Variants in ADAMTSL1 observed in about 807,000 individuals in gnomAD.
ADAMTSL1 encodes the protein ADAMTS like 1, also known as ADAMTS-like protein 1.
Under a neutral mutation model 201.8 loss-of-function variants are expected in ADAMTSL1, and 126 were observed. The observed-to-expected ratio is 0.62, with a 90% CI of 0.54 to 0.72. The LOEUF (loss-of-function observed/expected upper bound fraction) is 0.72, where lower values mean the gene tolerates loss of function less well. Among genes scored for constraint, ADAMTSL1 ranks in the 30% least tolerant of loss-of-function variants. The pLI is 0.00. For synonymous variants in ADAMTSL1, 1,121 were observed against 903.4 expected (o/e 1.24, Z -4.32); for missense variants, 2,679 against 2,277.8 (o/e 1.18, Z -3.59).
At position 18,850,423 on chromosome 9, in the gene ADAMTSL1, A is replaced by G. The variant is rs1273892083; in HGVS notation, c.4249+20446A>G. Among the ~76,000 whole-genome samples, 7 of 152,318 alleles carry G rather than the reference A, an allele frequency of 4.6e-5. No individual in the cohort carries two copies. The East Asian group carries it at 1.2e-3, about 25-fold the overall frequency. On this transcript the variant is annotated intron_variant, in intron 23 of 28. Transcript: ENST00000380548. ...CCCCCTTGTGTTTGGTGGTGCTATA[A>G]TGGCAGTTTTACAGCACTATCAGAG...
intron 2 of ADAMTSL1, among the ~76,000 whole-genome samples, chr9:18,297,768 A>G (rs549829895): frequency 6.6e-6 from 1 of 152,352 alleles, no homozygotes; most frequent in Admixed American, 6.5e-5. Flanking sequence ...CTGAAGGGAA[A>G]GGGAGAGAAG....
chr9:18,550,721 T>C (rs1820749288), intron 3 of ADAMTSL1, among the ~76,000 whole-genome samples: 1 of 151,966 alleles, frequency 6.6e-6, no homozygotes, highest in South Asian at 2.1e-4. Flanking sequence ...CATGAGATAA[T>C]AAATTTGTGT....
intron 2 of ADAMTSL1, among the ~76,000 whole-genome samples, chr9:18,168,408 G>C (rs1404184203): frequency 6.6e-6 from 1 of 152,016 alleles, no homozygotes; most frequent in African/African-American, 2.4e-5. Context: ...AGTTTGCTGA[G>C]AATGATGGTT....
At chr9:18,140,949 A>G (rs1268582727) in intron 1 of ADAMTSL1, among the ~76,000 whole-genome samples, 1 of 152,208 alleles carries the variant, frequency 6.6e-6, no homozygotes, top group Non-Finnish European at 1.5e-5. Flanking sequence ...TCATCCTTTC[A>G]TTTTTGTGGC....
At chr9:18,571,735 T>C (rs1822315726) in intron 3 of ADAMTSL1, among the ~76,000 whole-genome samples, 1 of 152,298 alleles carries the variant, frequency 6.6e-6, no homozygotes, top group Non-Finnish European at 1.5e-5. Context: ...AGAGTTGTTT[T>C]AGGGCAGAAG....
intron 1 of ADAMTSL1, among the ~76,000 whole-genome samples, chr9:18,154,624 A>C (rs1246537131): frequency 6.6e-6 from 1 of 152,100 alleles, no homozygotes; most frequent in African/African-American, 2.4e-5. Flanking sequence ...AAATGACAAA[A>C]GAGTAATACA....
At chr9:18,671,837 A>G (rs7023843) in intron 9 of ADAMTSL1, among the ~76,000 whole-genome samples, 4 of 152,026 alleles carry the variant, frequency 2.6e-5, no homozygotes, top group African/African-American at 7.3e-5. Flanking sequence ...GGAGATCGAG[A>G]CCATCCTGGC....
At chr9:18,147,310 G>A (rs902420017) in intron 1 of ADAMTSL1, among the ~76,000 whole-genome samples, 5 of 152,060 alleles carry the variant, frequency 3.3e-5, no homozygotes, top group Admixed American at 2.0e-4. Flanking sequence ...GCTATAGATG[G>A]ATAGAAATAG....
chr9:18,719,496 C>T (rs1046674088), intron 14 of ADAMTSL1, among the ~76,000 whole-genome samples: 1 of 152,114 alleles, frequency 6.6e-6, no homozygotes, highest in East Asian at 1.9e-4. Flanking sequence ...TCCCAAGTAG[C>T]TGGGATTACA....
chr9:18,609,187 G>T lies in ADAMTSL1; in HGVS notation c.475-13056G>T, dbSNP rs577909387. Among the ~76,000 whole-genome samples, 10 of 152,294 alleles carry T rather than the reference G, an allele frequency of 6.6e-5. No homozygotes were observed. The South Asian group carries it at 2.1e-3, about 32-fold the overall frequency. Reference sequence around the variant, plus strand: ...GTTACTCGATTGTATATATTTGAAAGTGGTTCCTGAATTAACTCTGAAAAA... The same window carrying T: ...GTTACTCGATTGTATATATTTGAAATTGGTTCCTGAATTAACTCTGAAAAA... On this transcript the variant is annotated intron_variant, in intron 4 of 28. Transcript: ENST00000380548.
At chr9:18,468,943 G>A (rs1821105119) in intron 2 of ADAMTSL1, among the ~76,000 whole-genome samples, 2 of 152,186 alleles carry the variant, frequency 1.3e-5, no homozygotes, top group Non-Finnish European at 2.9e-5. Flanking sequence ...TAGACACTTT[G>A]CAGGGAAAGA....
chr9:18,081,968 A>T lies in ADAMTSL1; in HGVS notation c.88-81894A>T, dbSNP rs1311340970. On this transcript the variant is annotated intron_variant, in intron 1 of 29. Coordinates refer to the ADAMTSL1 transcript ENST00000680146. ...TTAAGATTGATGAAGAGTCTTTGTT[A>T]TATTGATAATGGCTCTGAACTGGTG... is the stretch of plus-strand genomic sequence containing the variant. Among the ~76,000 whole-genome samples, 3 of 152,310 alleles carry T rather than the reference A, an allele frequency of 2.0e-5. No homozygotes were observed. The East Asian group carries it at 5.8e-4, about 29-fold the overall frequency.
At chr9:18,145,941 A>C (rs150240454) in intron 1 of ADAMTSL1, among the ~76,000 whole-genome samples, 6 of 152,320 alleles carry the variant, frequency 3.9e-5, no homozygotes, top group African/African-American at 1.4e-4. Flanking sequence ...TAGACACTGC[A>C]TCAAAGAGAA....
At chr9:18,608,231 C>T (rs1253455226) in intron 4 of ADAMTSL1, among the ~76,000 whole-genome samples, 1 of 152,160 alleles carries the variant, frequency 6.6e-6, no homozygotes, top group Non-Finnish European at 1.5e-5. Context: ...TTCTTTTTAA[C>T]TAGTTTGGGA....
intron 2 of ADAMTSL1, among the ~76,000 whole-genome samples, chr9:18,508,641 T>A (rs1564005708): frequency 1.3e-5 from 2 of 152,208 alleles, no homozygotes; most frequent in South Asian, 2.1e-4. Flanking sequence ...GCTATCAAAG[T>A]TCATGGAGAC....
intron 1 of ADAMTSL1, among the ~76,000 whole-genome samples, chr9:18,145,340 T>G (rs937146551): frequency 1.3e-5 from 2 of 152,208 alleles, no homozygotes; most frequent in African/African-American, 4.8e-5. Flanking sequence ...TGGTAACTAT[T>G]TGACAGGTTC....
intron 2 of ADAMTSL1, among the ~76,000 whole-genome samples, chr9:18,452,625 C>A (rs1820453145): frequency 6.6e-6 from 1 of 152,166 alleles, no homozygotes; most frequent in African/African-American, 2.4e-5. Context: ...CTCCAAAATA[C>A]AATGGTGGAC....
intron 1 of ADAMTSL1, among the ~76,000 whole-genome samples, chr9:18,499,797 T>C (rs1587385144): frequency 6.6e-6 from 1 of 152,196 alleles, no homozygotes. Flanking sequence ...TGTTGACATC[T>C]GAAAAACACT....
intron 23 of ADAMTSL1, among the ~76,000 whole-genome samples, chr9:18,858,653 GA>G (rs1167687430): frequency 6.6e-6 from 1 of 152,200 alleles, no homozygotes; most frequent in Non-Finnish European, 1.5e-5. Flanking sequence ...GTGCAGGAAG[GA>G]TCTGCTTGGC....
Sources: gnomAD v4.1 joint callset for allele counts (sites outside exome capture counted in the v4.1 genomes callset) on GRCh38, gnomAD v4.1.1 for gene constraint, MANE v1.5 for transcripts, NCBI Gene and HGNC (gene_info 2026-07-23, HGNC 2026-07-21) for gene names.